Variants in ZNF10 observed in about 807,000 individuals in gnomAD.
The protein encoded by ZNF10 is zinc finger protein 10 (KOX 1).
In ZNF10, 8 loss-of-function variants were observed where a neutral mutation model predicts 12.2. That is an observed-to-expected ratio of 0.66 (90% CI 0.39 to 1.18). The LOEUF is 1.18. ZNF10 is among the 50% of genes most tolerant of loss of function. The probability of loss-of-function intolerance (pLI) is 0.01; values close to 1 mark genes in which losing one functional copy is unlikely to be tolerated. For synonymous variants in ZNF10, 229 were observed against 228.2 expected (o/e 1.00, Z -0.03); for missense variants, 603 against 678.9 (o/e 0.89, Z 1.24).
chr12:133,150,928 C>G (rs1566349208), intron 2 of ZNF10, 100 bp from the exon 3 acceptor site: 9 of 1,449,488 alleles, frequency 6.2e-6, no homozygotes, highest in Middle Eastern at 1.8e-4. Flanking sequence ...CTTTACCTGC[C>G]CCAGTGCTGT....
chr12:133,133,128 G>T (rs1955890276), intron 1 of ZNF10, among the ~76,000 whole-genome samples: 1 of 152,182 alleles, frequency 6.6e-6, no homozygotes, highest in Admixed American at 6.5e-5. Context: ...CATTTGCTGA[G>T]TTTTGACAGA....
rs1241962011 is a variant in ZNF10 at position 133,156,418 on chromosome 12, A to G, written c.1172A>G (p.His391Arg). The change falls in exon 5 of 5, where the codon CAT becomes CGT. Residue 391 changes from histidine to arginine, a missense_variant. His to Arg is a conservative substitution (Grantham distance 29). Coordinates refer to ENST00000248211, the MANE Select transcript of ZNF10 (RefSeq NM_015394.5). The part of the protein sequence containing the change: ...ECGKSFRQST[H>R]LILHQRTHVR... ...GGGAAATCTTTCAGACAGAGCACACATCTCATTCTGCATCAGAGAACCCAT... is the reference window on the plus strand; with the variant it reads ...GGGAAATCTTTCAGACAGAGCACACGTCTCATTCTGCATCAGAGAACCCAT... 8 of 1,613,682 alleles carry G rather than the reference A, an allele frequency of 5.0e-6. No homozygotes were observed. Among genetic ancestry groups the G allele is most frequent in the African/African-American group, 2.7e-5 (2 of 74,918 alleles).
At chr12:133,146,860 A>C (rs914222865) in intron 2 of ZNF10, among the ~76,000 whole-genome samples, 1 of 151,806 alleles carries the variant, frequency 6.6e-6, no homozygotes, top group Non-Finnish European at 1.5e-5. Context: ...AAAAAACAAA[A>C]CACCAAGATA....
chr12:133,145,862 A>G (rs1179469678), intron 2 of ZNF10, among the ~76,000 whole-genome samples: 1 of 151,016 alleles, frequency 6.6e-6, no homozygotes, highest in African/African-American at 2.4e-5. Context: ...TAAGATGTAC[A>G]GATTTGACCA....
intron 2 of ZNF10, among the ~76,000 whole-genome samples, chr12:133,148,608 C>G (rs1955989260): frequency 6.6e-6 from 1 of 152,102 alleles, no homozygotes; most frequent in African/African-American, 2.4e-5. Flanking sequence ...TTTATCTCTG[C>G]TAATATTCTT....
At chr12:133,137,791 C>T (rs1235007754) in intron 1 of ZNF10, among the ~76,000 whole-genome samples, 1 of 152,120 alleles carries the variant, frequency 6.6e-6, no homozygotes, top group Non-Finnish European at 1.5e-5. Context: ...GGCAGAAGTT[C>T]CAAATCTATA....
intron 2 of ZNF10, among the ~76,000 whole-genome samples, chr12:133,150,775 A>T (rs974104732): frequency 6.6e-6 from 1 of 152,208 alleles, no homozygotes; most frequent in African/African-American, 2.4e-5. Context: ...TTTAATTTAA[A>T]TAAAAATGCT....
At chr12:133,140,965 T>C (rs956089649) in intron 1 of ZNF10, among the ~76,000 whole-genome samples, 1 of 152,146 alleles carries the variant, frequency 6.6e-6, no homozygotes, top group Non-Finnish European at 1.5e-5. Context: ...AGGAAACTAC[T>C]TGAGCCAGGG....
intron 1 of ZNF10, among the ~76,000 whole-genome samples, chr12:133,135,152 GA>G (rs1251087998): frequency 1.3e-5 from 2 of 152,170 alleles, no homozygotes. Context: ...ATAGCTACCT[GA>G]AATGCCTTTT....
chr12:133,151,943 G>C (rs1365249928), intron 4 of ZNF10, 39 bp downstream of exon 4: 2 of 1,546,698 alleles, frequency 1.3e-6, no homozygotes, highest in African/African-American at 1.4e-5. Flanking sequence ...CAGCAGCCCA[G>C]ATGGGCTGTG....
At position 133,156,471 on chromosome 12, in the gene ZNF10, G is replaced by A. The variant is rs1416051610; in HGVS notation, c.1225G>A (p.Glu409Lys). 1 of 1,613,736 alleles carries A rather than the reference G, an allele frequency of 6.2e-7. No homozygotes were observed. Among genetic ancestry groups the A allele is most frequent in the African/African-American group, 1.3e-5 (1 of 74,930 alleles). ...GAGAGTGAGGCCCTATGAATGCAATGAATGTGGAAAGTCTTACAGCCAGAG... is the reference window on the plus strand; with the variant it reads ...GAGAGTGAGGCCCTATGAATGCAATAAATGTGGAAAGTCTTACAGCCAGAG... The part of the protein sequence containing the change: ...HVRVRPYECN[E>K]CGKSYSQRSH... Residue 409 changes from glutamate (E) to lysine (K), a missense_variant, in exon 5 of 5, where the codon GAA (glutamate) becomes AAA (lysine). Transcript: ENST00000248211.
intron 1 of ZNF10, among the ~76,000 whole-genome samples, chr12:133,141,970 G>A (rs1955946991): frequency 6.6e-6 from 1 of 152,078 alleles, no homozygotes; most frequent in Non-Finnish European, 1.5e-5. Flanking sequence ...AGAGGAATAA[G>A]GGATTACATT....
In ZNF10 at chr12:133,158,983, C is replaced by T. The variant is rs1956057801; in HGVS notation, c.*2015C>T. 1.3e-5 allele frequency: 2 copies of T among 152,198 alleles called. No homozygotes were observed. The highest frequency in any genetic ancestry group is 1.3e-4 in the Admixed American group (2 of 15,274). The allele number at this position is 152,198 out of a possible 1,614,324, so 9.4% of individuals were successfully genotyped here. A position where few individuals can be genotyped will look rare whatever the true frequency, so the allele number is the denominator to read the frequency against. On this transcript the variant is annotated 3_prime_UTR_variant, in exon 5 of 5. Transcript: ENST00000248211. ...CAACATACCTATCAGAAATGGTTTT[C>T]ATTAAGGGAGTAGAATAGTCACTTA...
chr12:133,152,157 C>G (rs1956013326), intron 4 of ZNF10, among the ~76,000 whole-genome samples: 1 of 152,240 alleles, frequency 6.6e-6, no homozygotes, highest in Admixed American at 6.5e-5. Context: ...ACCACTCACT[C>G]TAGCATCTTG....
chr12:133,146,927 A>C (rs934214158), intron 2 of ZNF10, among the ~76,000 whole-genome samples: 1 of 151,836 alleles, frequency 6.6e-6, no homozygotes, highest in Non-Finnish European at 1.5e-5. Context: ...TATATAGTCC[A>C]TGCTAACTCC....
intron 1 of ZNF10, among the ~76,000 whole-genome samples, chr12:133,132,490 C>G (rs751195685): frequency 1.3e-5 from 2 of 151,746 alleles, no homozygotes; most frequent in African/African-American, 2.4e-5. Context: ...CTTAAATTAA[C>G]AAGAGCAACA....
intron 1 of ZNF10, among the ~76,000 whole-genome samples, chr12:133,133,389 A>G (rs910044018): frequency 6.6e-6 from 1 of 152,224 alleles, no homozygotes; most frequent in South Asian, 2.1e-4. Flanking sequence ...CTGGTTAAGT[A>G]TAGTCACATG....
intron 1 of ZNF10, among the ~76,000 whole-genome samples, chr12:133,132,094 T>A (rs1025569030): frequency 6.6e-6 from 1 of 152,174 alleles, no homozygotes; most frequent in Non-Finnish European, 1.5e-5. Context: ...CATACTTTTA[T>A]TTTTAAAAAG....
chr12:133,147,628 T>TG (rs1318312347), intron 2 of ZNF10, among the ~76,000 whole-genome samples: 2 of 149,914 alleles, frequency 1.3e-5, no homozygotes, highest in African/African-American at 2.5e-5. Context: ...TTTTTTTTTT[T>TG]GGGAGACGGA....
Sources: allele counts gnomAD v4.1 joint callset (sites outside exome capture counted in the v4.1 genomes callset), GRCh38; gene constraint gnomAD v4.1.1; transcripts MANE v1.5; gene names NCBI Gene and HGNC (gene_info 2026-07-23, HGNC 2026-07-21).